Variants in ANKH observed in about 807,000 individuals in gnomAD.
ANKH encodes ANKH inorganic pyrophosphate transport regulator.
A neutral mutation model predicts 49.0 loss-of-function variants in ANKH; 15 were observed. The ratio of observed to expected loss-of-function variants is 0.31; its 90% CI spans 0.20 to 0.47. The LOEUF (loss-of-function observed/expected upper bound fraction) is 0.47. Among genes scored for constraint, ANKH ranks in the 20% least tolerant of loss-of-function variants. The probability of loss-of-function intolerance (pLI) is 1.00; values close to 1 mark genes in which losing one functional copy is unlikely to be tolerated. For missense variants in ANKH, 429 were observed against 652.0 expected (o/e 0.66, Z 3.72); for synonymous variants, 273 against 260.0 (o/e 1.05, Z -0.48).
At chr5:14,742,542 T>C (rs1738395041) in intron 7 of ANKH, among the ~76,000 whole-genome samples, 1 of 152,226 alleles carries the variant, frequency 6.6e-6, no homozygotes, top group Admixed American at 6.5e-5. Flanking sequence ...TCATCTTCAC[T>C]GCTCATCTGT....
chr5:14,752,214 G>A (rs767996596), intron 4 of ANKH, among the ~76,000 whole-genome samples: 85 of 152,284 alleles, frequency 5.6e-4, no homozygotes, highest in Middle Eastern at 3.4e-3. Context: ...GGTAGCTGAC[G>A]TGGGAGGTTC....
At chr5:14,817,328 C>T (rs1261604704) in intron 1 of ANKH, among the ~76,000 whole-genome samples, 1 of 151,846 alleles carries the variant, frequency 6.6e-6, no homozygotes, top group East Asian at 1.9e-4. Flanking sequence ...AGGATAGAAA[C>T]TGCTAAACAT....
chr5:14,724,319 A>AAC (rs1737758104), intron 8 of ANKH, among the ~76,000 whole-genome samples: 1 of 151,386 alleles, frequency 6.6e-6, no homozygotes, highest in Non-Finnish European at 1.5e-5. Context: ...CTCTGTCTCA[A>AAC]AACAACAACA....
rs73749596 is a variant in ANKH, at chr5:14,725,625, G to A, written c.1012-8790C>T. 8.7e-3 allele frequency among the ~76,000 whole-genome samples: 1,318 copies of A among 152,354 alleles called. 16 individuals carry two copies. Among genetic ancestry groups the A allele is most frequent in the African/African-American group, 0.03 (1,244 of 41,574 alleles). ...GTATTCCAGAAGGTTTCCTGGGACCGTATTCTAACAAAACGCTAGCAGGGG... is the reference window on the plus strand; with the variant it reads ...GTATTCCAGAAGGTTTCCTGGGACCATATTCTAACAAAACGCTAGCAGGGG... On this transcript the variant is annotated intron_variant, in intron 8 of 11. Transcript: ENST00000284268. The surrounding 1 kb of genome is among the most constrained non-coding windows in gnomAD (Gnocchi z 4.0).
chr5:14,734,999 GTCCTGGAC>G (rs1738129574), intron 8 of ANKH, among the ~76,000 whole-genome samples: 1 of 152,176 alleles, frequency 6.6e-6, no homozygotes, highest in East Asian at 1.9e-4. Flanking sequence ...GCCCAGGTTA[GTCCTGGAC>G]TCTGCAAAGA....
At chr5:14,768,338 G>A (rs1260539081) in intron 2 of ANKH, 2 of 153,396 alleles carry the variant, frequency 1.3e-5, no homozygotes, top group Non-Finnish European at 2.9e-5. Context: ...TTAAAGCCAC[G>A]ACGGAAGTCA....
At chr5:14,769,312 G>T in intron 1 of ANKH, 121 bp from the exon 2 acceptor site, 1 of 811,142 alleles carries the variant, frequency 1.2e-6, no homozygotes, top group Non-Finnish European at 2.1e-6. Flanking sequence ...AGCTTATAGG[G>T]TGCATCTCAT....
Position 14,800,516 on chromosome 5 carries a change from G to C in ANKH, c.97-31325C>G, listed in dbSNP as rs117873687. Among the ~76,000 whole-genome samples, 629 of 152,222 alleles carry C rather than the reference G, an allele frequency of 4.1e-3. 5 individuals are homozygous for C. The highest frequency in any genetic ancestry group is 0.039 in the East Asian group (202 of 5,176). ...ATTGCTACAACCTGCCCAACCTTCA[G>C]GAACCACCACCCTGATCAGCCAGCA... On this transcript the variant is annotated intron_variant, in intron 1 of 11. Coordinates refer to ENST00000284268, the MANE Select transcript of ANKH (RefSeq NM_054027.6).
intron 1 of ANKH, among the ~76,000 whole-genome samples, chr5:14,808,566 A>G (rs1312220379): frequency 1.3e-5 from 2 of 152,200 alleles, no homozygotes; most frequent in Non-Finnish European, 2.9e-5. Flanking sequence ...GGAGTTCAAG[A>G]CCAGCCTGGC....
chr5:14,860,751 T>C (rs560704600), intron 1 of ANKH, among the ~76,000 whole-genome samples: 1 of 152,218 alleles, frequency 6.6e-6, no homozygotes, highest in African/African-American at 2.4e-5. Context: ...ACGTTATATA[T>C]ATTTTTATTT....
At chr5:14,714,887 C>T (rs1580000133) in intron 9 of ANKH, among the ~76,000 whole-genome samples, 1 of 152,360 alleles carries the variant, frequency 6.6e-6, no homozygotes, top group East Asian at 1.9e-4. Context: ...GGCCCCTCCT[C>T]TGGTCACTAC....
chr5:14,810,508 T>C (rs566198990), intron 1 of ANKH, among the ~76,000 whole-genome samples: 25 of 152,338 alleles, frequency 1.6e-4, no homozygotes, highest in African/African-American at 5.3e-4. Context: ...TGTTTGTACA[T>C]GCCTGCACTG....
intron 8 of ANKH, among the ~76,000 whole-genome samples, chr5:14,739,777 C>G: frequency 6.6e-6 from 1 of 152,162 alleles, no homozygotes; most frequent in Admixed American, 6.5e-5. Flanking sequence ...GAATCATTTC[C>G]TTTTCTGAAA....
intron 2 of ANKH, among the ~76,000 whole-genome samples, chr5:14,760,195 GA>G (rs1739032706): frequency 6.6e-6 from 1 of 152,184 alleles, no homozygotes; most frequent in Non-Finnish European, 1.5e-5. Context: ...GCACCAAGAA[GA>G]GAAATCCAAG....
intron 1 of ANKH, among the ~76,000 whole-genome samples, chr5:14,843,440 C>T (rs111670956): frequency 6.2e-4 from 92 of 149,254 alleles, no homozygotes; most frequent in African/African-American, 2.2e-3. Flanking sequence ...CCTCCCAAAG[C>T]GCTGGGATTA....
intron 8 of ANKH, among the ~76,000 whole-genome samples, chr5:14,739,570 T>C (rs1738291192): frequency 6.6e-6 from 1 of 152,214 alleles, no homozygotes; most frequent in African/African-American, 2.4e-5. Context: ...TCAAATACTA[T>C]GGTTTTTAAT....
At chr5:14,849,850 TG>T (rs1229609118) in intron 1 of ANKH, among the ~76,000 whole-genome samples, 4 of 152,064 alleles carry the variant, frequency 2.6e-5, no homozygotes, top group Non-Finnish European at 5.9e-5. Flanking sequence ...CAAAAGAAGG[TG>T]GTCTTCCATG....
At chr5:14,716,482 ACT>A (rs1561020931) in intron 9 of ANKH, among the ~76,000 whole-genome samples, 1 of 151,266 alleles carries the variant, frequency 6.6e-6, no homozygotes, top group African/African-American at 2.5e-5. Flanking sequence ...ACGGAATGAA[ACT>A]CTGTCTCCAA....
chr5:14,722,694 A>C (rs1737706466), intron 8 of ANKH, among the ~76,000 whole-genome samples: 1 of 152,232 alleles, frequency 6.6e-6, no homozygotes, highest in African/African-American at 2.4e-5. Flanking sequence ...AAATTTAAAA[A>C]TGGCAGAGAA....
Sources: allele counts gnomAD v4.1 joint callset (sites outside exome capture counted in the v4.1 genomes callset), GRCh38; gene constraint gnomAD v4.1.1; non-coding constraint Gnocchi (gnomAD v3.1); transcripts MANE v1.5; gene names NCBI Gene and HGNC (gene_info 2026-07-23, HGNC 2026-07-21).